MYO5B: variants seen among roughly 807,000 people sequenced by gnomAD.
MYO5B encodes the protein unconventional myosin-Vb.
A neutral mutation model predicts 229.3 loss-of-function variants in MYO5B; 143 were observed. That is an observed-to-expected ratio of 0.62 (90% CI 0.54 to 0.72). The LOEUF is 0.72. Among genes scored for constraint, MYO5B ranks in the 30% least tolerant of loss-of-function variants. MYO5B has a pLI of 0.00. For missense variants in MYO5B, 2,321 were observed against 2,331.0 expected (o/e 1.00, Z 0.09); for synonymous variants, 918 against 885.2 (o/e 1.04, Z -0.66).
intron 14 of MYO5B, among the ~76,000 whole-genome samples, chr18:49,948,835 G>T (rs796208148): frequency 1.3e-5 from 2 of 152,146 alleles, no homozygotes; most frequent in Non-Finnish European, 2.9e-5. Context: ...CTCCTGTGCT[G>T]TAATTTGGGT....
rs558418796 is a variant in MYO5B at position 50,173,944 on chromosome 18, T to G, written c.27+20823A>C. ...CCTGGTAAAACATTCTTTCTGGGTG[T>G]GTCTGCGAGGGCGTTTCTGGAAGAG... On this transcript the variant is annotated intron_variant, in intron 1 of 39. Transcript: ENST00000285039. Among the ~76,000 whole-genome samples, 4 of 152,284 alleles carry G rather than the reference T, an allele frequency of 2.6e-5. No homozygotes were observed. The East Asian group carries it at 5.8e-4, about 22-fold the overall frequency.
chr18:49,995,306 G>A (rs1296832488), intron 5 of MYO5B, among the ~76,000 whole-genome samples: 1 of 147,396 alleles, frequency 6.8e-6, no homozygotes, highest in Non-Finnish European at 1.5e-5. Context: ...CCAGGCTAGA[G>A]TGCAATGGTG....
chr18:50,165,743 T>C (rs2032839618), intron 1 of MYO5B, among the ~76,000 whole-genome samples: 1 of 151,290 alleles, frequency 6.6e-6, no homozygotes, highest in African/African-American at 2.4e-5. Flanking sequence ...GGCATTGCAC[T>C]CCAGCCTGGG....
At chr18:49,986,900 C>T (rs140381720) in intron 7 of MYO5B, among the ~76,000 whole-genome samples, 1 of 152,122 alleles carries the variant, frequency 6.6e-6, no homozygotes, top group African/African-American at 2.4e-5. Flanking sequence ...TACTTGATTA[C>T]CCTATTGTAG....
chr18:49,902,970 A>G (rs1568024625), intron 20 of MYO5B, 137 bp from the exon 21 acceptor site: 2 of 1,105,758 alleles, frequency 1.8e-6, no homozygotes, highest in Admixed American at 2.1e-5. Flanking sequence ...TGTGCCCCCT[A>G]AGATCTAAGG....
intron 10 of MYO5B, among the ~76,000 whole-genome samples, chr18:49,973,645 T>C (rs151117720): frequency 6.6e-6 from 1 of 152,302 alleles, no homozygotes; most frequent in African/African-American, 2.4e-5. Flanking sequence ...AGGGAGACTG[T>C]GGCTCAAAAC....
chr18:49,877,133 A>G (rs1456580775), intron 25 of MYO5B, among the ~76,000 whole-genome samples: 3 of 152,276 alleles, frequency 2.0e-5, no homozygotes, highest in Middle Eastern at 3.4e-3. Flanking sequence ...ACGTGCGCGC[A>G]CACACACGCG....
At chr18:50,168,715 G>T (rs2032888539) in intron 1 of MYO5B, among the ~76,000 whole-genome samples, 1 of 97,792 alleles carries the variant, frequency 1.0e-5, no homozygotes, top group Non-Finnish European at 2.1e-5. Context: ...TTCTTGTTTT[G>T]GTCTTAAGTG....
At chr18:50,087,187 T>C (rs551668813) in intron 1 of MYO5B, among the ~76,000 whole-genome samples, 22 of 152,302 alleles carry the variant, frequency 1.4e-4, no homozygotes, top group Non-Finnish European at 2.8e-4. Flanking sequence ...AGGACTTCGA[T>C]GTTTGCCAAG....
rs538531290 is a variant in MYO5B at position 49,898,183 on chromosome 18, G to A, written c.2812-3009C>T. Among the ~76,000 whole-genome samples the A allele has an allele frequency of 2.5e-3, 378 of 152,176 alleles. 3 individuals are homozygous for A. The highest frequency in any genetic ancestry group is 6.2e-3 in the South Asian group (30 of 4,808). On this transcript the variant is annotated intron_variant, in intron 21 of 39. Transcript: ENST00000285039. ...TCACACAACTACAAACTCACCTAAC[G>A]ATGCATTTCTCATAAGGTACCCCTG...
intron 1 of MYO5B, among the ~76,000 whole-genome samples, chr18:50,098,279 C>A (rs1002762770): frequency 4.6e-5 from 7 of 151,762 alleles, no homozygotes; most frequent in African/African-American, 1.5e-4. Flanking sequence ...TTTTTTTTAT[C>A]TTATAGGTGT....
At chr18:49,970,236 C>T (rs893084655) in intron 10 of MYO5B, among the ~76,000 whole-genome samples, 4 of 152,158 alleles carry the variant, frequency 2.6e-5, no homozygotes, top group Non-Finnish European at 2.9e-5. Flanking sequence ...ACCCTGAAGG[C>T]GACTTCACAG....
At chr18:50,000,644 C>T (rs1253179444) in intron 5 of MYO5B, among the ~76,000 whole-genome samples, 1 of 152,188 alleles carries the variant, frequency 6.6e-6, no homozygotes, top group East Asian at 1.9e-4. Flanking sequence ...GTGTCAACTG[C>T]TCTGAGCCCA....
intron 8 of MYO5B, among the ~76,000 whole-genome samples, chr18:49,981,645 A>C (rs79804382): frequency 6.6e-6 from 1 of 152,262 alleles, no homozygotes; most frequent in African/African-American, 2.4e-5. Context: ...TTAGATTCCC[A>C]GGGCCTTGAA....
chr18:50,036,751 C>T, intron 4 of MYO5B, 99 bp downstream of exon 4: 1 of 1,417,542 alleles, frequency 7.1e-7, no homozygotes, highest in Non-Finnish European at 9.9e-7. Context: ...GTCCCAATCT[C>T]ACCACCTCAC....
chr18:50,091,634 C>T (rs1372114043), intron 1 of MYO5B, among the ~76,000 whole-genome samples: 2 of 152,140 alleles, frequency 1.3e-5, no homozygotes, highest in East Asian at 1.9e-4. Context: ...TTGCTGGAGG[C>T]TGTTTCTGTC....
intron 1 of MYO5B, among the ~76,000 whole-genome samples, chr18:50,193,407 C>T (rs2033255129): frequency 6.6e-6 from 1 of 152,268 alleles, no homozygotes; most frequent in Non-Finnish European, 1.5e-5. Flanking sequence ...CGGCCACCTT[C>T]CTGAGCATGA....
At chr18:50,161,283 C>G (rs2032760947) in intron 1 of MYO5B, among the ~76,000 whole-genome samples, 1 of 152,150 alleles carries the variant, frequency 6.6e-6, no homozygotes, top group Non-Finnish European at 1.5e-5. Context: ...ACTCAGGAGG[C>G]TGAGGCATGA....
At chr18:49,989,842 A>C (rs1018639321) in intron 7 of MYO5B, among the ~76,000 whole-genome samples, 1 of 152,094 alleles carries the variant, frequency 6.6e-6, no homozygotes, top group Non-Finnish European at 1.5e-5. Context: ...GGGTTGCTCC[A>C]TCTCTCTCCC....
Sources: allele counts gnomAD v4.1 joint callset (sites outside exome capture counted in the v4.1 genomes callset), GRCh38; gene constraint gnomAD v4.1.1; transcripts MANE v1.5; gene names NCBI Gene and HGNC (gene_info 2026-07-23, HGNC 2026-07-21).